The following CHD9 variants were observed in gnomAD, a reference collection of about 807,000 sequenced individuals.
CHD9 encodes the protein ATP-dependent chromatin remodeler CHD9.
A neutral mutation model predicts 316.1 loss-of-function variants in CHD9; 77 were observed. That is an observed-to-expected ratio of 0.24 (90% CI 0.20 to 0.29). The LOEUF is 0.29. CHD9 is among the 10% of genes least tolerant of loss of function. The pLI, the probability that CHD9 is intolerant of heterozygous loss-of-function variation, is 1.00. For missense variants in CHD9, 2,763 were observed against 3,438.1 expected, an observed-to-expected ratio of 0.80 and a Z score of 4.91; for synonymous variants, 1,129 against 1,158.3, an observed-to-expected ratio of 0.97 and a Z score of 0.51.
At position 53,189,184 on chromosome 16, in the gene CHD9, T is replaced by C. The variant is rs1193597557; in HGVS notation, c.1453-20298T>C. On this transcript the variant is annotated intron_variant, in intron 2 of 38. Transcript: ENST00000447540. ...TCTCTTCTAATTGCCCTGACTAGAATTTTCAGAACAGTGTTGAATAGAAGT... is the reference window on the plus strand; with the variant it reads ...TCTCTTCTAATTGCCCTGACTAGAACTTTCAGAACAGTGTTGAATAGAAGT... Among the ~76,000 whole-genome samples the C allele has an allele frequency of 2.0e-5, 3 of 152,270 alleles. 1 individual carries two copies. The East Asian group carries it at 5.8e-4, about 29-fold the overall frequency.
At chr16:53,226,216 C>T (rs938554916) in intron 4 of CHD9, 150 bp from the exon 5 acceptor site, 13 of 484,068 alleles carry the variant, frequency 2.7e-5, no homozygotes, top group African/African-American at 1.8e-4. Context: ...TATAATCTTC[C>T]TCTAATTAAA....
chr16:53,128,171 T>C (rs946577535), intron 1 of CHD9, among the ~76,000 whole-genome samples: 1 of 148,466 alleles, frequency 6.7e-6, no homozygotes, highest in Admixed American at 6.7e-5. Flanking sequence ...AGACATTGAG[T>C]AGGAATGGAG....
At chr16:53,299,083 A>G (rs1050036056) in intron 30 of CHD9, 2 of 184,238 alleles carry the variant, frequency 1.1e-5, no homozygotes, top group African/African-American at 4.7e-5. Flanking sequence ...TCCTCCAGGA[A>G]CTGGAAAAAC....
intron 2 of CHD9, among the ~76,000 whole-genome samples, chr16:53,192,761 A>G (rs2044577027): frequency 6.6e-6 from 1 of 152,130 alleles, no homozygotes; most frequent in Admixed American, 6.5e-5. Context: ...TACTAGTCTG[A>G]CTTCTGTTTA....
intron 30 of CHD9, chr16:53,299,590 A>T: frequency 2.4e-6 from 1 of 411,816 alleles, no homozygotes; most frequent in African/African-American, 2.1e-5. Context: ...CAAAAGCTGG[A>T]GATGATTGGC....
intron 22 of CHD9, among the ~76,000 whole-genome samples, chr16:53,269,923 G>A (rs2052072612): frequency 6.6e-6 from 1 of 152,074 alleles, no homozygotes; most frequent in Non-Finnish European, 1.5e-5. Flanking sequence ...AAATATTGTA[G>A]TGCCAAGATT....
At chr16:53,289,686 A>C (rs542218627) in intron 27 of CHD9, among the ~76,000 whole-genome samples, 1 of 152,338 alleles carries the variant, frequency 6.6e-6, no homozygotes, top group East Asian at 1.9e-4. Flanking sequence ...AGAATATAGG[A>C]ATAGCATATA....
intron 1 of CHD9, among the ~76,000 whole-genome samples, chr16:53,063,875 C>T (rs1384994661): frequency 6.7e-6 from 1 of 148,858 alleles, no homozygotes; most frequent in African/African-American, 2.5e-5. Flanking sequence ...CACTCTGTTG[C>T]CTAGGCTGGA....
chr16:53,245,576 T>C lies in CHD9; in HGVS notation c.3199-19T>C. On this transcript the variant is annotated intron_variant, in intron 14 of 38. Transcript: ENST00000447540. The surrounding 1 kb of genome is among the most constrained non-coding windows in gnomAD (Gnocchi z 4.1). ...AATGCTCACTTATGTTATATGTCTT[T>C]TTATCATTTTTTATTCAGGTACAGA... 6.5e-7 allele frequency: 1 copy of C among 1,539,812 alleles called. No homozygotes were observed. Among genetic ancestry groups the C allele is most frequent in the South Asian group, 1.3e-5 (1 of 77,752 alleles).
chr16:53,278,239 A>G (rs12598721), intron 24 of CHD9, among the ~76,000 whole-genome samples: 44,805 of 152,030 alleles, frequency 0.29, 6,776 homozygotes, highest in Middle Eastern at 0.36. Flanking sequence ...ATCATTCTTC[A>G]CAGAACTAGA....
At chr16:53,208,371 G>A (rs755510115) in intron 2 of CHD9, 79 of 1,277,936 alleles carry the variant, frequency 6.2e-5, no homozygotes, top group Non-Finnish European at 7.3e-5. Flanking sequence ...TGAATGAGTG[G>A]GAGGAGGAGG....
intron 3 of CHD9, among the ~76,000 whole-genome samples, chr16:53,214,998 C>T (rs1348066936): frequency 1.3e-5 from 2 of 151,646 alleles, no homozygotes; most frequent in Non-Finnish European, 2.9e-5. Flanking sequence ...CTGCAAGCTC[C>T]GCCTCCCAGG....
At chr16:53,323,134 G>A (rs944088976) in intron 38 of CHD9, among the ~76,000 whole-genome samples, 1 of 152,078 alleles carries the variant, frequency 6.6e-6, no homozygotes, top group African/African-American at 2.4e-5. Flanking sequence ...AACATTAAGT[G>A]TAAAATACAC....
At chr16:53,186,754 T>A in intron 2 of CHD9, among the ~76,000 whole-genome samples, 1 of 152,148 alleles carries the variant, frequency 6.6e-6, no homozygotes, top group East Asian at 1.9e-4. Context: ...AGTGAGTTAG[T>A]TCTCACAAAA....
intron 1 of CHD9, among the ~76,000 whole-genome samples, chr16:53,145,439 C>G (rs2040493080): frequency 6.6e-6 from 1 of 151,276 alleles, no homozygotes; most frequent in East Asian, 2.0e-4. Context: ...GCATGAGCCA[C>G]CATGCCCGGC....
intron 1 of CHD9, among the ~76,000 whole-genome samples, chr16:53,127,736 C>A (rs2039033035): frequency 6.6e-6 from 1 of 152,016 alleles, no homozygotes; most frequent in South Asian, 2.1e-4. Context: ...GCCTGGCCAA[C>A]ATGGTGAAAC....
chr16:53,308,553 A>G lies in CHD9; in HGVS notation c.7054-133A>G, dbSNP rs2056192018. ...ATGTTTTTATTTGACTGATTTATGA[A>G]TGAGAAATGAACTTCTTTGATGTTT... On this transcript the variant is annotated intron_variant, in intron 33 of 38. Transcript: ENST00000447540. The G allele has an allele frequency of 6.2e-6, 4 of 645,520 alleles. No homozygotes were observed. In the South Asian group the frequency reaches 7.4e-5, roughly 12 times the overall value. The allele number at this position is 645,520 out of a possible 1,614,324, so 40.0% of individuals were successfully genotyped here.
At chr16:53,231,620 A>G (rs1484761578) in intron 9 of CHD9, 27 bp from the exon 10 acceptor site, 1 of 1,511,080 alleles carries the variant, frequency 6.6e-7, no homozygotes, top group Admixed American at 2.1e-5. Flanking sequence ...CTTTTTCAAA[A>G]TGGTAAATGA....
chr16:53,095,018 GACCTTGTGCA>G (rs1234158911), intron 1 of CHD9, among the ~76,000 whole-genome samples: 42 of 152,106 alleles, frequency 2.8e-4, no homozygotes, highest in African/African-American at 9.2e-4. Flanking sequence ...TCTTCAGTTG[GACCTTGTGCA>G]ACCTGCATCT....
Sources: allele counts gnomAD v4.1 joint callset (sites outside exome capture counted in the v4.1 genomes callset), GRCh38; gene constraint gnomAD v4.1.1; non-coding constraint Gnocchi (gnomAD v3.1); transcripts MANE v1.5; gene names NCBI Gene and HGNC (gene_info 2026-07-23, HGNC 2026-07-21).